The following LRBA variants were observed in gnomAD, a reference collection of about 807,000 sequenced individuals.
LRBA encodes LPS responsive beige-like anchor protein.
A neutral mutation model predicts 330.0 loss-of-function variants in LRBA; 176 were observed. That is an observed-to-expected ratio of 0.53 (90% confidence interval 0.47 to 0.60). The LOEUF is 0.60. LRBA is among the 20% of genes least tolerant of loss of function. The pLI is 0.00. For synonymous variants in LRBA, 1,230 were observed against 1,193.0 expected (o/e 1.03, Z -0.64); for missense variants, 3,259 against 3,444.8 (o/e 0.95, Z 1.35).
chr4:150,281,412 G>C (rs1461677231), intron 55 of LRBA, among the ~76,000 whole-genome samples: 1 of 152,128 alleles, frequency 6.6e-6, no homozygotes, highest in East Asian at 1.9e-4. Flanking sequence ...ATGAATCCCA[G>C]GAGACAGAGC....
intron 47 of LRBA, among the ~76,000 whole-genome samples, chr4:150,413,247 T>C (rs951793989): frequency 6.6e-6 from 1 of 152,030 alleles, no homozygotes; most frequent in Non-Finnish European, 1.5e-5. Context: ...ACTTCATACA[T>C]TGTAGGAATA....
intron 40 of LRBA, among the ~76,000 whole-genome samples, chr4:150,551,748 G>A (rs1039656918): frequency 1.3e-5 from 2 of 152,058 alleles, no homozygotes; most frequent in Admixed American, 1.3e-4. Flanking sequence ...ACATGAGAGA[G>A]CCATTTTAAA....
At chr4:150,371,747 T>C (rs553246528) in intron 47 of LRBA, among the ~76,000 whole-genome samples, 3 of 151,954 alleles carry the variant, frequency 2.0e-5, no homozygotes, top group African/African-American at 7.2e-5. Flanking sequence ...CTATATTTGT[T>C]AGGTAAAAAT....
At chr4:150,997,159 C>T (rs1246420890) in intron 2 of LRBA, among the ~76,000 whole-genome samples, 1 of 152,136 alleles carries the variant, frequency 6.6e-6, no homozygotes, top group Non-Finnish European at 1.5e-5. Flanking sequence ...GCATTCAGCA[C>T]TATAGAATAA....
intron 44 of LRBA, among the ~76,000 whole-genome samples, chr4:150,467,464 C>T (rs1032157966): frequency 4.6e-5 from 7 of 152,030 alleles, no homozygotes; most frequent in Non-Finnish European, 2.9e-5. Flanking sequence ...AATCCATGCA[C>T]TGAATATCAG....
Position 150,529,912 on chromosome 4 carries a change from TCTA to T in LRBA, c.6331-38880_6331-38878del, listed in dbSNP as rs559344133. ...TTTTTATTCTGTTGATCTTCTTCTA[TCTA>T]TTTCGCATTATACTTTTCTTTCTAG... On this transcript the variant is annotated intron_variant, in intron 40 of 56. Transcript: ENST00000651943. 8.3e-4 allele frequency among the ~76,000 whole-genome samples: 126 copies of T among 152,230 alleles called. No individual in the cohort carries two copies. In the East Asian group the frequency reaches 0.02, roughly 24 times the overall value.
chr4:150,464,773 A>G (rs945752181), intron 44 of LRBA, among the ~76,000 whole-genome samples: 1 of 152,072 alleles, frequency 6.6e-6, no homozygotes, highest in Non-Finnish European at 1.5e-5. Flanking sequence ...TCAGCAGGTT[A>G]ACTTGGGAAT....
chr4:150,530,262 TATAGAGAAAAAAAAAGTGATCTAGGAA>T (rs1214720413), intron 40 of LRBA, among the ~76,000 whole-genome samples: 1 of 151,486 alleles, frequency 6.6e-6, no homozygotes, highest in African/African-American at 2.4e-5. Context: ...AGCAGAAAAG[TATAGAGAAAAAAAAAGTGATCTAGGAA>T]AAGAATCATC....
chr4:150,868,893 G>A (rs1753073647), intron 20 of LRBA, among the ~76,000 whole-genome samples: 1 of 151,994 alleles, frequency 6.6e-6, no homozygotes, highest in South Asian at 2.1e-4. Context: ...AGCCAAGATC[G>A]TGCCACTGCA....
rs189581958 is a variant in LRBA at position 150,786,045 on chromosome 4, A to T, written c.5580+12036T>A. ...ATGGAAATGAAGGCCAGAAATGGCTAATCTATGAGACCTCGTCTAGCTCCA... is the reference window on the plus strand; with the variant it reads ...ATGGAAATGAAGGCCAGAAATGGCTTATCTATGAGACCTCGTCTAGCTCCA... On this transcript the variant is annotated intron_variant, in intron 34 of 56. Transcript: ENST00000651943. Among the ~76,000 whole-genome samples, 348 of 152,304 alleles carry T rather than the reference A, an allele frequency of 2.3e-3. 3 individuals are homozygous for T. The highest frequency in any genetic ancestry group is 1.2e-3 in the Non-Finnish European group (84 of 68,018).
chr4:150,265,943 AG>A (rs1745258102), intron 56 of LRBA, 131 bp from the exon 57 acceptor site: 1 of 637,754 alleles, frequency 1.6e-6, no homozygotes, highest in Non-Finnish European at 2.9e-6. Context: ...GTGGGAACTA[AG>A]GTATGTATTT....
intron 7 of LRBA, 36 bp downstream of exon 7, chr4:150,916,365 T>C (rs1732581984): frequency 1.2e-6 from 2 of 1,600,914 alleles, no homozygotes; most frequent in Non-Finnish European, 1.7e-6. Flanking sequence ...CTAGCATAGC[T>C]TGTTAACATA....
chr4:150,948,598 G>A (rs1169068575), intron 2 of LRBA, among the ~76,000 whole-genome samples: 1 of 151,920 alleles, frequency 6.6e-6, no homozygotes, highest in Non-Finnish European at 1.5e-5. Context: ...AGGGAAAACT[G>A]ATAAATTAGG....
chr4:150,926,292 C>T (rs1309718439), intron 4 of LRBA, among the ~76,000 whole-genome samples: 2 of 152,162 alleles, frequency 1.3e-5, no homozygotes, highest in African/African-American at 4.8e-5. Flanking sequence ...CTAGACACTT[C>T]GGAGAGACCA....
chr4:150,389,911 ATTTTTTTTT>A (rs34355782), intron 47 of LRBA, among the ~76,000 whole-genome samples: 2 of 111,726 alleles, frequency 1.8e-5, no homozygotes, highest in Admixed American at 9.9e-5. Flanking sequence ...TTGTCTGGGT[ATTTTTTTTT>A]TTTTTTTTTT....
intron 40 of LRBA, among the ~76,000 whole-genome samples, chr4:150,534,039 C>T (rs1021607084): frequency 6.6e-6 from 1 of 152,052 alleles, no homozygotes. Context: ...AGGATGAATA[C>T]CATATGTATT....
At chr4:150,837,231 G>C (rs1267701667) in intron 28 of LRBA, among the ~76,000 whole-genome samples, 1 of 152,108 alleles carries the variant, frequency 6.6e-6, no homozygotes, top group Non-Finnish European at 1.5e-5. Context: ...GGTCAATTTT[G>C]GAATAAGTGC....
At chr4:150,331,234 T>G (rs1733954940) in intron 48 of LRBA, among the ~76,000 whole-genome samples, 1 of 152,154 alleles carries the variant, frequency 6.6e-6, no homozygotes, top group African/African-American at 2.4e-5. Context: ...TTCAGCCCTC[T>G]ATATAGAGCA....
At chr4:150,872,072 C>T (rs1422712572) in intron 18 of LRBA, among the ~76,000 whole-genome samples, 1 of 152,160 alleles carries the variant, frequency 6.6e-6, no homozygotes, top group African/African-American at 2.4e-5. Flanking sequence ...ATCATGAAAG[C>T]AGCCACAGAT....
Sources: allele counts gnomAD v4.1 joint callset (sites outside exome capture counted in the v4.1 genomes callset), GRCh38; gene constraint gnomAD v4.1.1; transcripts MANE v1.5; gene names NCBI Gene and HGNC (gene_info 2026-07-23, HGNC 2026-07-21).